The following CFDP1 variants were observed in gnomAD, a reference collection of about 807,000 sequenced individuals.
CFDP1 encodes chromatin remodeling protein CFDP1.
CFDP1 carries 31 observed loss-of-function variants against 40.1 expected under a neutral mutation model. The observed-to-expected ratio is 0.77, with a 90% CI of 0.58 to 1.04. The LOEUF (loss-of-function observed/expected upper bound fraction) is 1.04. CFDP1 is among the 50% of genes least tolerant of loss of function. The pLI is 0.00. For synonymous variants in CFDP1, 167 were observed against 120.0 expected (o/e 1.39, Z -2.56); for missense variants, 423 against 343.4 (o/e 1.23, Z -1.83).
intron 4 of CFDP1, among the ~76,000 whole-genome samples, chr16:75,404,002 G>T (rs1196466577): frequency 6.6e-6 from 1 of 151,586 alleles, no homozygotes; most frequent in Non-Finnish European, 1.5e-5. Flanking sequence ...TGCAGTGGCA[G>T]GTGCCTGTAA....
At chr16:75,324,771 C>G (rs940847823) in intron 5 of CFDP1, 4 of 150,372 alleles carry the variant, frequency 2.7e-5, no homozygotes, top group Non-Finnish European at 5.9e-5. Context: ...ATTGCTGCTG[C>G]TAGGAAAGAT....
intron 1 of CFDP1, among the ~76,000 whole-genome samples, chr16:75,424,641 C>T (rs928959303): frequency 2.3e-4 from 35 of 151,882 alleles, no homozygotes; most frequent in African/African-American, 7.7e-4. Flanking sequence ...GTAGTCCCAA[C>T]TACTCGGGAG....
chr16:75,410,865 T>A (rs34913865), intron 4 of CFDP1, among the ~76,000 whole-genome samples: 74,993 of 141,988 alleles, frequency 0.53, 20,388 homozygotes, highest in Admixed American at 0.65. Context: ...GCCGAGACTG[T>A]GCCACTGCAC....
At chr16:75,369,022 T>C (rs2078734659) in intron 5 of CFDP1, among the ~76,000 whole-genome samples, 1 of 152,166 alleles carries the variant, frequency 6.6e-6, no homozygotes. Context: ...ATGTCTTGCT[T>C]TATGAAGACC....
At chr16:75,337,396 T>G (rs914012650) in intron 5 of CFDP1, among the ~76,000 whole-genome samples, 1 of 152,236 alleles carries the variant, frequency 6.6e-6, no homozygotes, top group Non-Finnish European at 1.5e-5. Context: ...ACAGAGCTAC[T>G]TTGAGGCGCA....
At chr16:75,423,777 T>A (rs1162467554) in intron 1 of CFDP1, among the ~76,000 whole-genome samples, 1 of 152,054 alleles carries the variant, frequency 6.6e-6, no homozygotes, top group Non-Finnish European at 1.5e-5. Flanking sequence ...GCCTCCCAGG[T>A]TGGTCTTTAA....
intron 4 of CFDP1, among the ~76,000 whole-genome samples, chr16:75,403,959 C>T (rs2079077367): frequency 6.6e-6 from 1 of 151,778 alleles, no homozygotes; most frequent in Admixed American, 6.6e-5. Flanking sequence ...TGATGAAACC[C>T]TGTCTTTACT....
intron 5 of CFDP1, among the ~76,000 whole-genome samples, chr16:75,318,611 A>G (rs903450798): frequency 1.4e-4 from 21 of 151,918 alleles, no homozygotes; most frequent in East Asian, 7.7e-4. Context: ...TCACCGTGTT[A>G]GCCAGGATGG....
intron 5 of CFDP1, among the ~76,000 whole-genome samples, chr16:75,355,636 T>C (rs896533370): frequency 6.6e-6 from 1 of 152,166 alleles, no homozygotes; most frequent in African/African-American, 2.4e-5. Context: ...ATAATCTCCA[T>C]GTGTCAAAGG....
chr16:75,325,566 A>T (rs1285421303), intron 5 of CFDP1, among the ~76,000 whole-genome samples: 1 of 152,110 alleles, frequency 6.6e-6, no homozygotes, highest in Non-Finnish European at 1.5e-5. Context: ...TGTTATGTTT[A>T]TTCTTTTACT....
At chr16:75,410,019 C>G (rs2079142850) in intron 4 of CFDP1, among the ~76,000 whole-genome samples, 1 of 109,658 alleles carries the variant, frequency 9.1e-6, no homozygotes, top group South Asian at 3.2e-4. Context: ...CCCAGGTGTT[C>G]AAGACCAGCC....
intron 5 of CFDP1, among the ~76,000 whole-genome samples, chr16:75,387,493 A>G (rs1020746792): frequency 6.6e-6 from 1 of 152,224 alleles, no homozygotes; most frequent in African/African-American, 2.4e-5. Context: ...GATAAGTAAG[A>G]CAACACCAGT....
At chr16:75,341,457 A>T (rs2078526223) in intron 5 of CFDP1, among the ~76,000 whole-genome samples, 2 of 152,140 alleles carry the variant, frequency 1.3e-5, no homozygotes, top group South Asian at 4.1e-4. Context: ...AATTATGAAG[A>T]GATTATCTTG....
At chr16:75,384,172 C>T (rs2078873607) in intron 5 of CFDP1, among the ~76,000 whole-genome samples, 1 of 152,036 alleles carries the variant, frequency 6.6e-6, no homozygotes, top group Non-Finnish European at 1.5e-5. Context: ...GCCTGGCCAA[C>T]AAGGCGAAAC....
chr16:75,411,276 G>A (rs1016878194), intron 4 of CFDP1, among the ~76,000 whole-genome samples: 3 of 152,004 alleles, frequency 2.0e-5, no homozygotes, highest in African/African-American at 2.4e-5. Context: ...ATGGTGGCGT[G>A]TGCCTGTAAT....
chr16:75,427,712 C>T (rs919813934), intron 1 of CFDP1, among the ~76,000 whole-genome samples: 1 of 152,162 alleles, frequency 6.6e-6, no homozygotes, highest in African/African-American at 2.4e-5. Flanking sequence ...CATACACATA[C>T]TACAAAACCC....
chr16:75,377,573 G>A (rs1156372619), intron 5 of CFDP1, among the ~76,000 whole-genome samples: 1 of 152,182 alleles, frequency 6.6e-6, no homozygotes, highest in Non-Finnish European at 1.5e-5. Context: ...TGGCAAAGAA[G>A]AAACTAAATG....
intron 4 of CFDP1, among the ~76,000 whole-genome samples, chr16:75,411,389 C>A (rs2079161432): frequency 6.6e-6 from 1 of 152,088 alleles, no homozygotes. Flanking sequence ...CCATCCTGGG[C>A]TACAGAGCAA....
At position 75,357,436 on chromosome 16, in the gene CFDP1, G is replaced by C. The variant is rs144771308; in HGVS notation, c.650+37654C>G. Among the ~76,000 whole-genome samples the C allele has an allele frequency of 9.1e-3, 1,383 of 151,992 alleles. 20 individuals carry two copies. The highest frequency in any genetic ancestry group is 0.032 in the African/African-American group (1,328 of 41,432). On this transcript the variant is annotated intron_variant, in intron 5 of 6. Transcript: ENST00000283882. ...TGACCAGCTAATTTTTGTATTTTTA[G>C]TAGAGACGGGGTTTCACCATATTGG... is the stretch of plus-strand genomic sequence containing the variant.
Sources: gnomAD v4.1 joint callset for allele counts (sites outside exome capture counted in the v4.1 genomes callset) on GRCh38, gnomAD v4.1.1 for gene constraint, MANE v1.5 for transcripts, NCBI Gene and HGNC (gene_info 2026-07-23, HGNC 2026-07-21) for gene names.